RTF1: variants seen among roughly 807,000 people sequenced by gnomAD.
RTF1 encodes the protein RTF1 homolog, Paf1/RNA polymerase II complex component.
RTF1 carries 10 observed loss-of-function variants against 95.7 expected under a neutral mutation model. The ratio of observed to expected loss-of-function variants is 0.10; its 90% CI spans 0.06 to 0.18. The LOEUF (loss-of-function observed/expected upper bound fraction) is 0.18, where lower values mean the gene tolerates loss of function less well. Among genes scored for constraint, RTF1 ranks in the 10% least tolerant of loss-of-function variants. RTF1 has a pLI of 1.00. For missense variants in RTF1, 458 were observed against 875.6 expected (o/e 0.52, Z 6.02); for synonymous variants, 305 against 311.8 (o/e 0.98, Z 0.23).
At chr15:41,477,380 A>G in intron 13 of RTF1, 78 bp from the exon 14 acceptor site, 2 of 1,612,654 alleles carry the variant, frequency 1.2e-6, no homozygotes, top group Admixed American at 1.7e-5. Flanking sequence ...CTGACCCCAT[A>G]GATATCTGAG....
intron 8 of RTF1, among the ~76,000 whole-genome samples, chr15:41,473,462 A>G (rs2050925889): frequency 6.9e-6 from 1 of 145,850 alleles, no homozygotes; most frequent in Non-Finnish European, 1.5e-5. Flanking sequence ...TTTTTTTGAG[A>G]CAGTGTCTTA....
In RTF1 at chr15:41,456,867, C is replaced by T. The variant is rs186943327; in HGVS notation, c.458-805C>T. Among the ~76,000 whole-genome samples, 868 of 151,750 alleles carry T rather than the reference C, an allele frequency of 5.7e-3. 5 individuals are homozygous for T. Among genetic ancestry groups the T allele is most frequent in the Middle Eastern group, 0.01 (3 of 288 alleles). ...TTGAGAGGCCAAGGTGGGCGGATCA[C>T]GAGGTTGAGAGATCGAGACCATCCT... On this transcript the variant is annotated intron_variant, in intron 3 of 17. Transcript: ENST00000389629.
intron 1 of RTF1, among the ~76,000 whole-genome samples, chr15:41,429,458 C>G (rs141138459): frequency 1.2e-3 from 177 of 150,326 alleles, no homozygotes; most frequent in African/African-American, 4.2e-3. Context: ...TTCTCTCTCT[C>G]TCTCTTTCCA....
At chr15:41,442,079 T>A (rs1333707303) in intron 2 of RTF1, among the ~76,000 whole-genome samples, 1 of 152,174 alleles carries the variant, frequency 6.6e-6, no homozygotes, top group Non-Finnish European at 1.5e-5. Context: ...TTATTGCTGC[T>A]GTGGACATTT....
chr15:41,463,541 G>A (rs2050862954), intron 4 of RTF1, among the ~76,000 whole-genome samples: 2 of 151,740 alleles, frequency 1.3e-5, no homozygotes, highest in South Asian at 4.2e-4. Flanking sequence ...GAGTTCAGTG[G>A]TATGATCATG....
intron 4 of RTF1, among the ~76,000 whole-genome samples, chr15:41,460,846 T>C (rs971921179): frequency 6.6e-6 from 1 of 150,918 alleles, no homozygotes; most frequent in African/African-American, 2.4e-5. Context: ...GGCTGTAGGC[T>C]ACCATGCCTG....
At position 41,480,227 on chromosome 15, in the gene RTF1, A is replaced by G. The variant is rs775637662; in HGVS notation, c.1928A>G (p.Asp643Gly). The G allele has an allele frequency of 3.7e-6, 6 of 1,611,076 alleles. No homozygotes were observed. The African/African-American group carries it at 8.0e-5, about 22-fold the overall frequency. The change falls in exon 17 of 18, where the codon GAT (aspartate) becomes GGT (glycine). Residue 643 changes from aspartate to glycine, a missense_variant. Asp to Gly is a moderately conservative substitution (Grantham distance 94). Coordinates refer to ENST00000389629, the MANE Select transcript of RTF1 (RefSeq NM_015138.5). ...TTCACATTCCAGGGTCAAGGCAAAG[A>G]TAAAGATTTGAATTCTAAGTCAGCC... ...PKEMSKGQGK[D>G]KDLNSKSASD...
intron 4 of RTF1, among the ~76,000 whole-genome samples, chr15:41,460,103 ATTTTTG>A (rs1390480415): frequency 7.6e-6 from 1 of 131,458 alleles, no homozygotes; most frequent in Admixed American, 8.1e-5. Flanking sequence ...TAGACATTTG[ATTTTTG>A]TTTTTGTTTT....
intron 2 of RTF1, among the ~76,000 whole-genome samples, chr15:41,442,787 A>G (rs570222258): frequency 1.3e-5 from 2 of 152,218 alleles, no homozygotes; most frequent in African/African-American, 2.4e-5. Context: ...TCGGGAGGCT[A>G]AGGTATGAAA....
intron 1 of RTF1, among the ~76,000 whole-genome samples, chr15:41,431,400 G>A (rs1189618994): frequency 6.7e-6 from 1 of 148,260 alleles, no homozygotes; most frequent in East Asian, 2.0e-4. Flanking sequence ...TATTTTTAGT[G>A]GAGACAGGGT....
At chr15:41,437,279 A>G (rs185052884) in intron 1 of RTF1, among the ~76,000 whole-genome samples, 16 of 151,936 alleles carry the variant, frequency 1.1e-4, no homozygotes, top group Admixed American at 9.9e-4. Flanking sequence ...GCGGATCACG[A>G]GGTCAGGAGA....
Position 41,438,401 on chromosome 15 carries a change from A to G in RTF1, c.279A>G (p.Ser93=). The change falls in exon 2 of 18, where the codon TCA becomes TCG. Residue 93 remains serine, a synonymous_variant. Coordinates refer to ENST00000389629, the MANE Select transcript of RTF1 (RefSeq NM_015138.5). ...EPPVSQPAAS[S]DSETSDSDDE... ...CTGTGAGTCAGCCTGCAGCCTCGTC[A>G]GACTCGGAGACGTCTGACAGTGACG... 1 of 1,551,094 alleles carries G rather than the reference A, an allele frequency of 6.4e-7. No individual in the cohort carries two copies. The highest frequency in any genetic ancestry group is 2.4e-5 in the East Asian group (1 of 40,906).
At chr15:41,477,749 G>GT (rs971433131) in intron 14 of RTF1, among the ~76,000 whole-genome samples, 2 of 152,138 alleles carry the variant, frequency 1.3e-5, no homozygotes, top group African/African-American at 4.8e-5. Flanking sequence ...ACAGGTATTT[G>GT]TTTTTTCTCA....
intron 1 of RTF1, among the ~76,000 whole-genome samples, chr15:41,427,987 A>G (rs1315375860): frequency 1.3e-5 from 2 of 151,596 alleles, no homozygotes; most frequent in Non-Finnish European, 2.9e-5. Context: ...GGGTTTCACC[A>G]TGCTGGCTAG....
intron 4 of RTF1, among the ~76,000 whole-genome samples, chr15:41,463,347 G>T (rs1360737792): frequency 6.6e-6 from 1 of 152,190 alleles, no homozygotes; most frequent in Non-Finnish European, 1.5e-5. Flanking sequence ...CTGGAAAGTA[G>T]AATTGCTGGC....
chr15:41,473,897 C>T (rs369958764), intron 8 of RTF1, among the ~76,000 whole-genome samples: 2 of 151,930 alleles, frequency 1.3e-5, no homozygotes, highest in African/African-American at 2.4e-5. Flanking sequence ...ATTAGCTTGG[C>T]GTGGTGGCAT....
chr15:41,468,430 G>T (rs1477496186), intron 6 of RTF1, among the ~76,000 whole-genome samples: 4 of 151,692 alleles, frequency 2.6e-5, no homozygotes, highest in African/African-American at 9.7e-5. Flanking sequence ...CCATTCTCCT[G>T]CCTCAGCCTC....
intron 4 of RTF1, among the ~76,000 whole-genome samples, chr15:41,460,819 A>T (rs2050843966): frequency 6.6e-6 from 1 of 151,260 alleles, no homozygotes; most frequent in African/African-American, 2.4e-5. Context: ...TCAGCCTCCC[A>T]AGTAGCTGGG....
At chr15:41,478,066 G>T (rs1238091637) in intron 14 of RTF1, among the ~76,000 whole-genome samples, 1 of 151,284 alleles carries the variant, frequency 6.6e-6, no homozygotes, top group Non-Finnish European at 1.5e-5. Context: ...TCGTGCCACT[G>T]CACTTTAGCC....
Sources: allele counts gnomAD v4.1 joint callset (sites outside exome capture counted in the v4.1 genomes callset), GRCh38; gene constraint gnomAD v4.1.1; transcripts MANE v1.5; gene names NCBI Gene and HGNC (gene_info 2026-07-23, HGNC 2026-07-21).